The following AKR7A3 variants were observed in gnomAD, a reference collection of about 807,000 sequenced individuals.
AKR7A3 encodes the protein aldo-keto reductase family 7 member A3.
In AKR7A3, 37 loss-of-function variants were observed where a neutral mutation model predicts 32.5. That is an observed-to-expected ratio of 1.14 (90% CI 0.88 to 1.50). The LOEUF (loss-of-function observed/expected upper bound fraction) is 1.50, where lower values mean the gene tolerates loss of function less well. Ranked by LOEUF, AKR7A3 falls within the 40% of genes most tolerant of loss-of-function variation. The pLI is 0.00. For missense variants in AKR7A3, 412 were observed against 453.2 expected, an observed-to-expected ratio of 0.91 and a Z score of 0.83; for synonymous variants, 177 against 188.4, an observed-to-expected ratio of 0.94 and a Z score of 0.50.
In AKR7A3 at chr1:19,287,650, C is replaced by T. The variant is rs542707377; in HGVS notation, c.214+846G>A. ...CCACACCTGCCTCCTCCAGCACCCG[C>T]GGCATTGCCAAAACACATTTGCCTT... On this transcript the variant is annotated intron_variant, in intron 1 of 6. Transcript: ENST00000361640. Among the ~76,000 whole-genome samples the T allele has an allele frequency of 2.5e-4, 38 of 152,148 alleles. 1 individual carries two copies. Among genetic ancestry groups the T allele is most frequent in the African/African-American group, 8.7e-4 (36 of 41,392 alleles).
At chr1:19,286,792 A>G (rs2093731500) in intron 1 of AKR7A3, among the ~76,000 whole-genome samples, 1 of 151,890 alleles carries the variant, frequency 6.6e-6, no homozygotes. Flanking sequence ...AAAGTCACCT[A>G]GGCTGGCAGG....
chr1:19,277,502 T>A, the AKR7A3 span, among the ~76,000 whole-genome samples: 2 of 151,292 alleles, frequency 1.3e-5, no homozygotes, highest in Non-Finnish European at 2.9e-5. Flanking sequence ...AGAAGAAATA[T>A]CTCAAATCAA....
downstream of AKR7A3, among the ~76,000 whole-genome samples, chr1:19,280,563 G>A (rs74767433): frequency 7.8e-5 from 11 of 141,876 alleles, no homozygotes; most frequent in East Asian, 2.1e-4. Flanking sequence ...GGTTCTTTTC[G>A]TTTCTTTTCT....
chr1:19,288,403 G>T, intron 1 of AKR7A3, 93 bp downstream of exon 1: 1 of 1,450,484 alleles, frequency 6.9e-7, no homozygotes, highest in South Asian at 1.3e-5. Context: ...AACTTTGGGT[G>T]CTGCCCCGGG....
chr1:19,274,286 A>G, the AKR7A3 span: 2 of 991,074 alleles, frequency 2.0e-6, no homozygotes, highest in African/African-American at 3.5e-5. Flanking sequence ...GCACCGAGCA[A>G]GCAGCGAAAT....
chr1:19,282,394 C>T (rs1266485290), downstream of AKR7A3, among the ~76,000 whole-genome samples: 1 of 151,782 alleles, frequency 6.6e-6, no homozygotes, highest in African/African-American at 2.4e-5. Context: ...ACGCTGGCGC[C>T]GCTTCCCCCT....
At chr1:19,280,069 T>C (rs2093716588), downstream of AKR7A3, among the ~76,000 whole-genome samples, 1 of 151,712 alleles carries the variant, frequency 6.6e-6, no homozygotes, top group Non-Finnish European at 1.5e-5. Flanking sequence ...ATCGGGTAAA[T>C]GATTTGCAAG....
chr1:19,283,583 A>T (rs1198736637), intron 6 of AKR7A3, among the ~76,000 whole-genome samples: 1 of 152,062 alleles, frequency 6.6e-6, no homozygotes, highest in Non-Finnish European at 1.5e-5. Context: ...TAATCCCAGC[A>T]CTTTCAGAGG....
At chr1:19,286,959 C>G (rs187938464) in intron 1 of AKR7A3, among the ~76,000 whole-genome samples, 4 of 151,530 alleles carry the variant, frequency 2.6e-5, no homozygotes, top group Admixed American at 2.6e-4. Flanking sequence ...TGGACTCAGA[C>G]AGAAGACAAA....
rs1738023 is a variant in AKR7A3 at position 19,284,747 on chromosome 1, T to C, written c.643A>G (p.Asn215Asp). 1,328,020 of 1,613,214 alleles carry C rather than the reference T, an allele frequency of 0.82. 548,668 individuals carry two copies. The highest frequency in any genetic ancestry group is 0.87 in the South Asian group (79,241 of 91,070). The change falls in exon 5 of 7, where the codon AAT (asparagine) becomes GAT (aspartate). Residue 215 changes from asparagine to aspartate, a missense_variant. Physicochemically the swap from Asn to Asp is conservative, Grantham distance 23. Coordinates refer to ENST00000361640, the MANE Select transcript of AKR7A3 (RefSeq NM_012067.3). ...LTGKYKYEDK[N>D]GKQPVGRFFG... Reference sequence around the variant, plus strand: ...AAGCGGCCCACGGGCTGTTTCCCATTCTTGTCCTCATACTTGTACTTGCCG... The same window carrying C: ...AAGCGGCCCACGGGCTGTTTCCCATCCTTGTCCTCATACTTGTACTTGCCG...
downstream of AKR7A3, among the ~76,000 whole-genome samples, chr1:19,280,855 C>T (rs375138556): frequency 4.6e-5 from 7 of 151,924 alleles, no homozygotes; most frequent in African/African-American, 1.7e-4. Flanking sequence ...CAGGTATGAG[C>T]CACCGCGCCC....
the AKR7A3 span, among the ~76,000 whole-genome samples, chr1:19,276,808 A>T: frequency 6.6e-6 from 1 of 151,514 alleles, no homozygotes; most frequent in Admixed American, 6.6e-5. Context: ...TCTTAAAAAA[A>T]AATAACAAAA....
At position 19,288,455 on chromosome 1, in the gene AKR7A3, G is replaced by C. The variant is rs367912741; in HGVS notation, c.214+41C>G. ...CGGTACACGGCTGTGGACAGGCTCA[G>C]CTCTGCACCGTGCAGGGGGAGGATC... On this transcript the variant is annotated intron_variant, in intron 1 of 6. Transcript: ENST00000361640. 9.4e-5 allele frequency: 150 copies of C among 1,601,530 alleles called. 1 individual carries two copies. In the African/African-American group the frequency reaches 1.9e-3, roughly 20 times the overall value.
intron 1 of AKR7A3, among the ~76,000 whole-genome samples, chr1:19,287,571 G>C (rs979029961): frequency 1.7e-4 from 26 of 151,866 alleles, no homozygotes; most frequent in Non-Finnish European, 4.4e-5. Flanking sequence ...ACTGCAAATG[G>C]CATCAGACTG....
chr1:19,287,306 C>CAA (rs35986667), intron 1 of AKR7A3, among the ~76,000 whole-genome samples: 1,411 of 132,672 alleles, frequency 0.011, 35 homozygotes, highest in African/African-American at 0.033. Context: ...GACCCTGTCT[C>CAA]AAAAAAAAAA....
At chr1:19,278,515 C>T (rs1022993695), downstream of AKR7A3, among the ~76,000 whole-genome samples, 11 of 151,448 alleles carry the variant, frequency 7.3e-5, no homozygotes, top group South Asian at 1.0e-3. Context: ...GAGCCAAGAT[C>T]GCGCCACTGC....
chr1:19,274,899 C>CAA, the AKR7A3 span, among the ~76,000 whole-genome samples: 749 of 44,314 alleles, frequency 0.017, 61 homozygotes, highest in African/African-American at 0.057. Context: ...TCTCTAAATA[C>CAA]AAAAAAAAAA....
At chr1:19,281,431 G>C (rs2151980554), downstream of AKR7A3, among the ~76,000 whole-genome samples, 1 of 151,866 alleles carries the variant, frequency 6.6e-6, no homozygotes, top group East Asian at 1.9e-4. Context: ...GAGGTCAGGA[G>C]TTCAAGACCA....
At chr1:19,278,305 TC>T (rs2093713950), downstream of AKR7A3, among the ~76,000 whole-genome samples, 1 of 151,778 alleles carries the variant, frequency 6.6e-6, no homozygotes, top group Admixed American at 6.6e-5. Context: ...ACACCTGTAA[TC>T]CCAGCACTTT....
Sources: allele counts gnomAD v4.1 joint callset (sites outside exome capture counted in the v4.1 genomes callset), GRCh38; gene constraint gnomAD v4.1.1; transcripts MANE v1.5; gene names NCBI Gene and HGNC (gene_info 2026-07-23, HGNC 2026-07-21).